RABGAP1L: variants seen among roughly 807,000 people sequenced by gnomAD.
The protein encoded by RABGAP1L is rab GTPase-activating protein 1-like.
RABGAP1L carries 63 observed loss-of-function variants against 137.7 expected under a neutral mutation model. The observed-to-expected ratio is 0.46, with a 90% CI of 0.37 to 0.56. RABGAP1L has a LOEUF of 0.56. RABGAP1L is among the 20% of genes least tolerant of loss of function. The probability of loss-of-function intolerance (pLI) is 0.00; values close to 1 mark genes in which losing one functional copy is unlikely to be tolerated. For missense variants in RABGAP1L, 1,095 were observed against 1,244.0 expected (o/e 0.88, Z 1.80); for synonymous variants, 431 against 433.7 (o/e 0.99, Z 0.08).
At chr1:174,622,084 C>T (rs976975797) in intron 13 of RABGAP1L, among the ~76,000 whole-genome samples, 1 of 152,138 alleles carries the variant, frequency 6.6e-6, no homozygotes, top group African/African-American at 2.4e-5. Flanking sequence ...ATTTATGCAG[C>T]CAAGAGACAC....
At chr1:174,338,651 T>C (rs192601999) in intron 11 of RABGAP1L, among the ~76,000 whole-genome samples, 2 of 152,088 alleles carry the variant, frequency 1.3e-5, no homozygotes, top group Admixed American at 1.3e-4. Context: ...GTAAGGTATA[T>C]AGTCTGGTAT....
chr1:174,651,842 G>C (rs1264798242), intron 14 of RABGAP1L, among the ~76,000 whole-genome samples: 1 of 152,134 alleles, frequency 6.6e-6, no homozygotes, highest in Non-Finnish European at 1.5e-5. Flanking sequence ...TACATTTAAA[G>C]TTAATATTGT....
intron 17 of RABGAP1L, among the ~76,000 whole-genome samples, chr1:174,738,130 GT>G (rs1413882306): frequency 6.6e-6 from 1 of 152,184 alleles, no homozygotes; most frequent in African/African-American, 2.4e-5. Context: ...GTTAGGAGAT[GT>G]TTCAAGGAGG....
At position 174,376,307 on chromosome 1, in the gene RABGAP1L, A is replaced by G. The variant is rs1036193556; in HGVS notation, c.1559+5235A>G. Among the ~76,000 whole-genome samples, 6 of 152,194 alleles carry G rather than the reference A, an allele frequency of 3.9e-5. 1 individual carries two copies. The highest frequency in any genetic ancestry group is 4.1e-4 in the South Asian group (2 of 4,828). On this transcript the variant is annotated intron_variant, in intron 12 of 25. Transcript: ENST00000681986. ...ATTCTACATAAACTTTCCAGAATAT[A>G]TAAGTGAAGGCAATACTTTCCAGCT...
At chr1:174,171,198 T>C (rs1665355535) in intron 1 of RABGAP1L, among the ~76,000 whole-genome samples, 1 of 152,178 alleles carries the variant, frequency 6.6e-6, no homozygotes. Context: ...TTGTTATGGG[T>C]TACTTATTTT....
intron 14 of RABGAP1L, among the ~76,000 whole-genome samples, chr1:174,646,530 G>T (rs983300098): frequency 3.3e-5 from 5 of 152,104 alleles, no homozygotes; most frequent in African/African-American, 1.2e-4. Flanking sequence ...TAGATGTGTG[G>T]TGTTATTTCT....
At chr1:174,269,033 C>T (rs973471463) in intron 7 of RABGAP1L, among the ~76,000 whole-genome samples, 11 of 152,112 alleles carry the variant, frequency 7.2e-5, no homozygotes, top group Non-Finnish European at 1.0e-4. Context: ...AGCTCTGCCT[C>T]CCCGGTTCAC....
At chr1:174,480,908 T>C (rs373221250) in intron 13 of RABGAP1L, among the ~76,000 whole-genome samples, 3 of 152,264 alleles carry the variant, frequency 2.0e-5, no homozygotes, top group African/African-American at 7.2e-5. Flanking sequence ...TGCCTTATAG[T>C]CCATAGTATT....
At chr1:174,598,445 G>T (rs1670148137) in intron 13 of RABGAP1L, among the ~76,000 whole-genome samples, 1 of 151,990 alleles carries the variant, frequency 6.6e-6, no homozygotes, top group Admixed American at 6.6e-5. Flanking sequence ...ATAGTGCTAA[G>T]TCCAATTTTT....
At chr1:174,597,933 T>G (rs1463640171) in intron 13 of RABGAP1L, among the ~76,000 whole-genome samples, 1 of 152,190 alleles carries the variant, frequency 6.6e-6, no homozygotes, top group Admixed American at 6.5e-5. Context: ...AGCATAGTGT[T>G]TAATTTCTAT....
At chr1:174,817,280 A>T (rs1690538804) in intron 19 of RABGAP1L, among the ~76,000 whole-genome samples, 2 of 152,232 alleles carry the variant, frequency 1.3e-5, no homozygotes, top group South Asian at 4.1e-4. Flanking sequence ...GAAGAAAATT[A>T]GGAAAGAAAA....
intron 11 of RABGAP1L, among the ~76,000 whole-genome samples, chr1:174,317,415 C>T (rs1217044514): frequency 6.6e-6 from 1 of 152,022 alleles, no homozygotes; most frequent in Non-Finnish European, 1.5e-5. Flanking sequence ...TCCCTTTTGG[C>T]TCAGGTTGTA....
chr1:174,586,755 C>T (rs1669148077), intron 13 of RABGAP1L, among the ~76,000 whole-genome samples: 1 of 152,066 alleles, frequency 6.6e-6, no homozygotes, highest in South Asian at 2.1e-4. Context: ...GCACACCACA[C>T]CCAGCTAATT....
chr1:174,448,985 G>C lies in RABGAP1L; in HGVS notation c.1710+54840G>C. On this transcript the variant is annotated intron_variant, in intron 13 of 25. Coordinates refer to ENST00000681986, the MANE Select transcript of RABGAP1L (RefSeq NM_001366446.1). The surrounding 1 kb of genome is among the most constrained non-coding windows in gnomAD (Gnocchi z 4.2). ...TTACTTTCTTCTAGAAAGCTCCCGG[G>C]TCTTGGACAATCCAACTCTGTCCTT... 1 of 1,613,618 alleles carries C rather than the reference G, an allele frequency of 6.2e-7. No homozygotes were observed. The highest frequency in any genetic ancestry group is 1.6e-4 in the Middle Eastern group (1 of 6,062).
chr1:174,753,214 T>C (rs1367501145), intron 18 of RABGAP1L, among the ~76,000 whole-genome samples: 5 of 152,228 alleles, frequency 3.3e-5, no homozygotes, highest in Admixed American at 1.3e-4. Context: ...CTTAGTATAG[T>C]ATCTAGAACA....
chr1:174,351,788 T>TG (rs1161409121), intron 11 of RABGAP1L, among the ~76,000 whole-genome samples: 1 of 100,552 alleles, frequency 9.9e-6, no homozygotes, highest in Non-Finnish European at 1.9e-5. Context: ...TCTCTGTGTG[T>TG]TTTTTTTGTT....
At chr1:174,858,155 G>A (rs1649627357) in intron 19 of RABGAP1L, among the ~76,000 whole-genome samples, 5 of 152,206 alleles carry the variant, frequency 3.3e-5, no homozygotes, top group Admixed American at 2.6e-4. Flanking sequence ...TGGGATTACA[G>A]GCATGTGCCA....
chr1:174,255,434 A>G (rs868740473), intron 7 of RABGAP1L, among the ~76,000 whole-genome samples: 2 of 152,236 alleles, frequency 1.3e-5, no homozygotes, highest in Admixed American at 1.3e-4. Context: ...GAAGACCTGT[A>G]TACTCTTTAC....
At chr1:174,172,841 CT>C (rs989343989) in intron 1 of RABGAP1L, among the ~76,000 whole-genome samples, 1 of 152,018 alleles carries the variant, frequency 6.6e-6, no homozygotes, top group African/African-American at 2.4e-5. Flanking sequence ...TTTGGAGAAG[CT>C]TTTTAGTTTG....
Sources: gnomAD v4.1 joint callset for allele counts (sites outside exome capture counted in the v4.1 genomes callset) on GRCh38, gnomAD v4.1.1 for gene constraint, Gnocchi (gnomAD v3.1) non-coding constraint, MANE v1.5 for transcripts, NCBI Gene and HGNC (gene_info 2026-07-23, HGNC 2026-07-21) for gene names.